The following EXT1 variants were observed in gnomAD, a reference collection of about 807,000 sequenced individuals.
EXT1 encodes the protein exostosin glycosyltransferase 1.
EXT1 carries 20 observed loss-of-function variants against 82.5 expected under a neutral mutation model. That is an observed-to-expected ratio of 0.24 (90% CI 0.17 to 0.35). The LOEUF is 0.35. Among genes scored for constraint, EXT1 ranks in the 10% least tolerant of loss-of-function variants. The pLI is 1.00. For synonymous variants in EXT1, 348 were observed against 350.8 expected (o/e 0.99, Z 0.09); for missense variants, 757 against 936.5 (o/e 0.81, Z 2.50).
chr8:118,083,526 G>A (rs1237996057), intron 1 of EXT1, among the ~76,000 whole-genome samples: 2 of 152,034 alleles, frequency 1.3e-5, no homozygotes, highest in African/African-American at 4.8e-5. Flanking sequence ...AGTATCATTA[G>A]GCAGACAGGT....
intron 1 of EXT1, among the ~76,000 whole-genome samples, chr8:118,000,441 T>C (rs1046482152): frequency 1.3e-5 from 2 of 152,204 alleles, no homozygotes; most frequent in African/African-American, 4.8e-5. Context: ...AAGGGATGCC[T>C]AGAGTTGCAA....
chr8:117,966,452 T>C (rs972732284), intron 1 of EXT1, among the ~76,000 whole-genome samples: 1 of 152,228 alleles, frequency 6.6e-6, no homozygotes, highest in Non-Finnish European at 1.5e-5. Context: ...CATCTCCATT[T>C]TGCTACTAAA....
intron 3 of EXT1, among the ~76,000 whole-genome samples, chr8:117,830,721 G>T (rs1317162479): frequency 2.6e-5 from 4 of 152,162 alleles, no homozygotes; most frequent in African/African-American, 9.7e-5. Flanking sequence ...GGAAAGGCCA[G>T]AAGACTTTAT....
chr8:117,895,560 C>A (rs898089319), intron 1 of EXT1, among the ~76,000 whole-genome samples: 4 of 152,130 alleles, frequency 2.6e-5, no homozygotes, highest in African/African-American at 7.2e-5. Flanking sequence ...TAAGACCCAT[C>A]CAGGTCTGAG....
intron 1 of EXT1, among the ~76,000 whole-genome samples, chr8:117,983,968 G>A (rs924294722): frequency 6.6e-6 from 1 of 152,162 alleles, no homozygotes; most frequent in African/African-American, 2.4e-5. Flanking sequence ...CACTATTTAC[G>A]ATGCAACAAA....
intron 1 of EXT1, among the ~76,000 whole-genome samples, chr8:117,879,383 C>A (rs1813022851): frequency 6.6e-6 from 1 of 151,692 alleles, no homozygotes; most frequent in Admixed American, 6.6e-5. Flanking sequence ...ACTAATTTTT[C>A]TTTCTATGGT....
At chr8:117,890,669 C>T (rs1349752370) in intron 1 of EXT1, among the ~76,000 whole-genome samples, 5 of 152,120 alleles carry the variant, frequency 3.3e-5, no homozygotes, top group Non-Finnish European at 7.3e-5. Flanking sequence ...ACTGGGTATT[C>T]CCAGGTTCGG....
At chr8:117,909,722 T>G (rs886623162) in intron 1 of EXT1, among the ~76,000 whole-genome samples, 6 of 152,144 alleles carry the variant, frequency 3.9e-5, no homozygotes, top group Admixed American at 1.3e-4. Flanking sequence ...CATTTCCCAG[T>G]TCATTTCCTG....
intron 1 of EXT1, among the ~76,000 whole-genome samples, chr8:117,924,660 C>T (rs2129639956): frequency 6.6e-6 from 1 of 152,308 alleles, no homozygotes; most frequent in Non-Finnish European, 1.5e-5. Context: ...GTGCTTTCTA[C>T]ACTACAGCAG....
chr8:117,837,030 G>T, intron 2 of EXT1, 78 bp downstream of exon 2: 1 of 937,978 alleles, frequency 1.1e-6, no homozygotes, highest in South Asian at 1.3e-5. Flanking sequence ...GCTATCCCAG[G>T]AGAGGTGATA....
chr8:117,805,231 G>A (rs1823219806), intron 9 of EXT1, among the ~76,000 whole-genome samples: 1 of 152,140 alleles, frequency 6.6e-6, no homozygotes, highest in Admixed American at 6.5e-5. Context: ...ACATCAGACA[G>A]GTGAGTTAGA....
chr8:117,840,120 T>C (rs1335027724), intron 1 of EXT1, among the ~76,000 whole-genome samples: 1 of 152,072 alleles, frequency 6.6e-6, no homozygotes, highest in African/African-American at 2.4e-5. Context: ...TAATGACAAA[T>C]AGAGAAACAG....
intron 1 of EXT1, among the ~76,000 whole-genome samples, chr8:117,882,916 G>A (rs1813085031): frequency 6.6e-6 from 1 of 150,706 alleles, no homozygotes; most frequent in Admixed American, 6.6e-5. Flanking sequence ...GACAGAGATT[G>A]CAGCGAGCCA....
chr8:118,109,445 GC>G (rs1189577109), intron 1 of EXT1, among the ~76,000 whole-genome samples: 27 of 27,624 alleles, frequency 9.8e-4, no homozygotes, highest in African/African-American at 1.7e-3. Flanking sequence ...ATGAATGAAT[GC>G]ATGCATGCAT....
intron 1 of EXT1, among the ~76,000 whole-genome samples, chr8:117,891,462 T>C (rs575185771): frequency 1.3e-5 from 2 of 152,286 alleles, no homozygotes; most frequent in South Asian, 2.1e-4. Flanking sequence ...AATTGACTAA[T>C]AGGATAATAA....
intron 1 of EXT1, among the ~76,000 whole-genome samples, chr8:117,865,056 T>C (rs1243907298): frequency 6.6e-6 from 1 of 152,138 alleles, no homozygotes; most frequent in Non-Finnish European, 1.5e-5. Flanking sequence ...GCCAGGTGTG[T>C]TTGAGATGAG....
chr8:118,008,411 C>G (rs1032651678), intron 1 of EXT1, among the ~76,000 whole-genome samples: 1 of 152,066 alleles, frequency 6.6e-6, no homozygotes, highest in African/African-American at 2.4e-5. Context: ...AGACGCCCAC[C>G]ACCATGCCTG....
intron 1 of EXT1, among the ~76,000 whole-genome samples, chr8:117,966,935 C>A (rs11562772): frequency 6.6e-6 from 1 of 152,114 alleles, no homozygotes; most frequent in South Asian, 2.1e-4. Flanking sequence ...CAGCAGGTAA[C>A]CTTCTATTTC....
chr8:117,959,693 T>C (rs928440040), intron 1 of EXT1, among the ~76,000 whole-genome samples: 2 of 152,206 alleles, frequency 1.3e-5, no homozygotes, highest in African/African-American at 4.8e-5. Flanking sequence ...ATTAAATGCA[T>C]TGTAATATTT....
Sources: allele counts gnomAD v4.1 joint callset (sites outside exome capture counted in the v4.1 genomes callset), GRCh38; gene constraint gnomAD v4.1.1; transcripts MANE v1.5; gene names NCBI Gene and HGNC (gene_info 2026-07-23, HGNC 2026-07-21).